CACNA1C: variants seen among roughly 807,000 people sequenced by gnomAD.
CACNA1C encodes the protein voltage-dependent L-type calcium channel subunit alpha-1C.
In CACNA1C, 30 loss-of-function variants were observed where a neutral mutation model predicts 229.0. The observed-to-expected ratio is 0.13, with a 90% CI of 0.10 to 0.18. The LOEUF (loss-of-function observed/expected upper bound fraction) is 0.18. CACNA1C is among the 10% of genes least tolerant of loss of function. The pLI is 1.00. For missense variants in CACNA1C, 1,658 were observed against 2,845.0 expected, an observed-to-expected ratio of 0.58 and a Z score of 9.49; for synonymous variants, 1,114 against 1,132.5, an observed-to-expected ratio of 0.98 and a Z score of 0.33.
At chr12:2,107,155 G>A (rs1256435843) in intron 1 of CACNA1C, among the ~76,000 whole-genome samples, 1 of 146,936 alleles carries the variant, frequency 6.8e-6, no homozygotes, top group African/African-American at 2.6e-5. Context: ...CTCAGCTGGG[G>A]TGTCCTGAAG....
In CACNA1C at chr12:2,319,305, C is replaced by T. The variant is rs1351977210; in HGVS notation, c.478-129671C>T. ...CCTGTGGGGGCAGCGTGCATGAAGGCGGCATGCATGGGGGTGCCGTGCATG... is the reference window on the plus strand; with the variant it reads ...CCTGTGGGGGCAGCGTGCATGAAGGTGGCATGCATGGGGGTGCCGTGCATG... On this transcript the variant is annotated intron_variant, in intron 3 of 46. Coordinates refer to ENST00000399655, the MANE Select transcript of CACNA1C (RefSeq NM_000719.7). The surrounding 1 kb of genome is among the most constrained non-coding windows in gnomAD (Gnocchi z 4.0). Among the ~76,000 whole-genome samples, 1 of 151,832 alleles carries T rather than the reference C, an allele frequency of 6.6e-6. No homozygotes were observed. Among genetic ancestry groups the T allele is most frequent in the Non-Finnish European group, 1.5e-5 (1 of 67,914 alleles).
Position 2,010,033 on chromosome 12 carries a change from TTCA to T in CACNA1C, c.139+38840_139+38842del, listed in dbSNP as rs561467792. 4.1e-4 allele frequency among the ~76,000 whole-genome samples: 62 copies of T among 152,318 alleles called. 2 individuals carry two copies. In the South Asian group the frequency reaches 0.012, roughly 31 times the overall value. On this transcript the variant is annotated intron_variant, in intron 1 of 46. Coordinates refer to the CACNA1C transcript ENST00000682462. Reference sequence around the variant, plus strand: ...TAGTAGTAGTAAGAGTATCACTATCTTCATCATCATTATTATTAGTTTCATGAC... The same window carrying T: ...TAGTAGTAGTAAGAGTATCACTATCTTCATCATTATTATTAGTTTCATGAC...
chr12:2,418,734 C>A (rs1350201127), intron 3 of CACNA1C, among the ~76,000 whole-genome samples: 1 of 152,162 alleles, frequency 6.6e-6, no homozygotes, highest in Non-Finnish European at 1.5e-5. Context: ...GGAGCTGACA[C>A]CCCTGGACAA....
At chr12:2,146,235 A>G (rs2094693597) in intron 3 of CACNA1C, among the ~76,000 whole-genome samples, 1 of 151,064 alleles carries the variant, frequency 6.6e-6, no homozygotes, top group African/African-American at 2.4e-5. Flanking sequence ...TTTGAGAAGC[A>G]GGTAATGGTA....
At chr12:2,489,494 T>C (rs535916291) in intron 6 of CACNA1C, among the ~76,000 whole-genome samples, 1 of 152,266 alleles carries the variant, frequency 6.6e-6, no homozygotes, top group African/African-American at 2.4e-5. Context: ...CACATCACCA[T>C]ATGCCGATAC....
chr12:2,247,714 T>A (rs1045225473), intron 3 of CACNA1C, among the ~76,000 whole-genome samples: 1 of 152,230 alleles, frequency 6.6e-6, no homozygotes, highest in Non-Finnish European at 1.5e-5. Context: ...TTTAATCACT[T>A]GTTCTTTTTC....
chr12:2,253,665 A>G (rs2076392533), intron 3 of CACNA1C, among the ~76,000 whole-genome samples: 1 of 152,246 alleles, frequency 6.6e-6, no homozygotes. Flanking sequence ...TGAGGATTAA[A>G]TAAAATCAAG....
intron 9 of CACNA1C, among the ~76,000 whole-genome samples, chr12:2,531,107 C>A (rs532015488): frequency 1.9e-4 from 29 of 152,232 alleles, no homozygotes; most frequent in Non-Finnish European, 3.4e-4. Context: ...CAAGCACCTC[C>A]TTTTGCCCAT....
At chr12:2,306,008 C>G (rs1053865268) in intron 3 of CACNA1C, among the ~76,000 whole-genome samples, 1 of 152,166 alleles carries the variant, frequency 6.6e-6, no homozygotes, top group Admixed American at 6.5e-5. Flanking sequence ...GTTGAAGAAA[C>G]GAAGGCACCA....
At chr12:2,670,756 G>A (rs946014709) in intron 38 of CACNA1C, among the ~76,000 whole-genome samples, 2 of 151,894 alleles carry the variant, frequency 1.3e-5, no homozygotes, top group Non-Finnish European at 2.9e-5. Context: ...CTACTCAGGA[G>A]GCTGAGGCAG....
rs930453498 is a variant in CACNA1C, at chr12:2,665,410, CTG to C, written c.4399-167_4399-166del. 2.1e-4 allele frequency among the ~76,000 whole-genome samples: 32 copies of C among 152,294 alleles called. No individual in the cohort carries two copies. The highest frequency in any genetic ancestry group is 6.7e-4 in the African/African-American group (28 of 41,542). Reference sequence around the variant, plus strand: ...TCATCACACACAACTCTCAGGGAAACTGTGTCAAGTTTATGTCCAAGAGACCC... The same window carrying C: ...TCATCACACACAACTCTCAGGGAAACTGTCAAGTTTATGTCCAAGAGACCC... On this transcript the variant is annotated intron_variant, in intron 35 of 46. Coordinates refer to ENST00000399655, the MANE Select transcript of CACNA1C (RefSeq NM_000719.7). This position sits in a 1 kb window ranked among gnomAD's most constrained non-coding sequence, Gnocchi z 5.9.
chr12:2,664,741 A>G, intron 34 of CACNA1C, 84 bp from the exon 35 acceptor site: 1 of 1,130,770 alleles, frequency 8.8e-7, no homozygotes, highest in East Asian at 2.7e-5. Context: ...GAAGGAGGAA[A>G]GGGACAGGTG....
chr12:2,040,791 A>C (rs912813218), intron 1 of CACNA1C, among the ~76,000 whole-genome samples: 2 of 152,250 alleles, frequency 1.3e-5, no homozygotes, highest in Non-Finnish European at 2.9e-5. Flanking sequence ...TGCTATGTCT[A>C]TACTTTTCCT....
intron 1 of CACNA1C, among the ~76,000 whole-genome samples, chr12:2,111,917 C>A (rs1400512688): frequency 2.6e-5 from 4 of 152,092 alleles, no homozygotes; most frequent in Non-Finnish European, 5.9e-5. Context: ...GATGCTGTCA[C>A]GTGGAGATCA....
At chr12:2,580,021 C>A (rs1490910486) in intron 13 of CACNA1C, among the ~76,000 whole-genome samples, 1 of 152,202 alleles carries the variant, frequency 6.6e-6, no homozygotes, top group Admixed American at 6.5e-5. Flanking sequence ...AGCCTCTAGC[C>A]TGCAGGGGCT....
intron 24 of CACNA1C, among the ~76,000 whole-genome samples, chr12:2,606,153 G>A (rs1271104484): frequency 2.0e-5 from 3 of 152,150 alleles, no homozygotes; most frequent in East Asian, 1.9e-4. Flanking sequence ...GCACCACCCA[G>A]CTTTCAGAGC....
chr12:2,300,471 A>T (rs2094466307), intron 3 of CACNA1C, among the ~76,000 whole-genome samples: 1 of 152,130 alleles, frequency 6.6e-6, no homozygotes, highest in South Asian at 2.1e-4. Flanking sequence ...AAATAAAAAA[A>T]AAAAATTAGC....
intron 3 of CACNA1C, among the ~76,000 whole-genome samples, chr12:2,384,728 G>A (rs996169795): frequency 6.6e-6 from 1 of 152,330 alleles, no homozygotes; most frequent in South Asian, 2.1e-4. Flanking sequence ...GGTCCTCACC[G>A]TGGCATAGTA....
chr12:2,323,631 A>T (rs2096132837), intron 3 of CACNA1C, among the ~76,000 whole-genome samples: 1 of 152,098 alleles, frequency 6.6e-6, no homozygotes, highest in Non-Finnish European at 1.5e-5. Context: ...AAAAAACCAG[A>T]CCTGAGGCAG....
Sources: gnomAD v4.1 joint callset for allele counts (sites outside exome capture counted in the v4.1 genomes callset) on GRCh38, gnomAD v4.1.1 for gene constraint, Gnocchi (gnomAD v3.1) non-coding constraint, MANE v1.5 for transcripts, NCBI Gene and HGNC (gene_info 2026-07-23, HGNC 2026-07-21) for gene names.